The following ANKRD44 variants were observed in gnomAD, a reference collection of about 807,000 sequenced individuals.
The protein encoded by ANKRD44 is ankyrin repeat domain 44.
A neutral mutation model predicts 116.0 loss-of-function variants in ANKRD44; 35 were observed. The observed-to-expected ratio is 0.30, with a 90% confidence interval of 0.23 to 0.40. The LOEUF (loss-of-function observed/expected upper bound fraction) is 0.40, where lower values mean the gene tolerates loss of function less well. Ranked by LOEUF, ANKRD44 falls within the 10% of genes least tolerant of loss-of-function variation. The pLI, the probability that ANKRD44 is intolerant of heterozygous loss-of-function variation, is 1.00. For synonymous variants in ANKRD44, 435 were observed against 461.8 expected (o/e 0.94, Z 0.74); for missense variants, 1,014 against 1,242.6 (o/e 0.82, Z 2.77).
chr2:196,967,428 A>G (rs761888037), exon 22 of ANKRD44: 16 of 469,856 alleles, frequency 3.4e-5, no homozygotes, highest in South Asian at 2.5e-4. Context: ...ATGTTCTTGG[A>G]TCTTGAATGG....
chr2:197,203,332 A>G lies in ANKRD44; in HGVS notation c.28-16226T>C, dbSNP rs2081134787. On this transcript the variant is annotated intron_variant, in intron 1 of 27. Coordinates refer to ENST00000282272, the MANE Select transcript of ANKRD44 (RefSeq NM_001195144.2). The surrounding 1 kb of genome is among the most constrained non-coding windows in gnomAD (Gnocchi z 4.1). ...AAAAGCACATGAAAAGATGCTTAAC[A>G]TCAGTCTTTAGAGAATATAAATCTC... is the stretch of plus-strand genomic sequence containing the variant. Among the ~76,000 whole-genome samples the G allele has an allele frequency of 6.6e-6, 1 of 152,236 alleles. No individual in the cohort carries two copies.
chr2:197,226,578 C>G (rs1226499054), intron 1 of ANKRD44, among the ~76,000 whole-genome samples: 2 of 152,084 alleles, frequency 1.3e-5, no homozygotes, highest in African/African-American at 4.8e-5. Context: ...GCAGATGAAT[C>G]ACTTGAACCA....
intron 16 of ANKRD44, among the ~76,000 whole-genome samples, chr2:197,070,082 C>A (rs184059308): frequency 2.0e-5 from 3 of 152,058 alleles, no homozygotes; most frequent in Non-Finnish European, 2.9e-5. Context: ...GATTTTTATA[C>A]GTTTATCTCA....
At chr2:197,088,948 T>G in intron 11 of ANKRD44, 174 bp from the exon 12 acceptor site, 1 of 526,652 alleles carries the variant, frequency 1.9e-6, no homozygotes, top group Non-Finnish European at 3.1e-6. Context: ...TGCTCAAGCT[T>G]GGCAATTTTA....
intron 16 of ANKRD44, among the ~76,000 whole-genome samples, chr2:197,055,584 T>C (rs751476014): frequency 6.1e-4 from 93 of 152,242 alleles, no homozygotes; most frequent in Non-Finnish European, 6.3e-4. Flanking sequence ...CTTTCACGTA[T>C]AGATCTGCAA....
intron 10 of ANKRD44, among the ~76,000 whole-genome samples, chr2:197,096,000 A>G: frequency 6.6e-6 from 1 of 152,194 alleles, no homozygotes; most frequent in Non-Finnish European, 1.5e-5. Context: ...AAAAATAAGT[A>G]TATACTGAGG....
chr2:197,206,891 C>T (rs944356415), intron 1 of ANKRD44, among the ~76,000 whole-genome samples: 1 of 152,266 alleles, frequency 6.6e-6, no homozygotes. Flanking sequence ...TTTAGAATTA[C>T]GTCCCTCATG....
intron 16 of ANKRD44, among the ~76,000 whole-genome samples, chr2:197,039,683 G>A (rs1243137314): frequency 0.019 from 59 of 3,110 alleles, no homozygotes; most frequent in Admixed American, 0.045. Flanking sequence ...GTGTGTGCGT[G>A]TGTGTGTGTG....
In ANKRD44 at chr2:197,187,008, C is replaced by T; in HGVS notation, c.111+15G>A. On this transcript the variant is annotated intron_variant, in intron 2 of 27. Transcript: ENST00000282272. ...GCTAACAGGGCCTGAGTAGCAAAAC[C>T]ACAGTATCTCTTACCAGAGTATTCA... The T allele has an allele frequency of 6.2e-7, 1 of 1,613,026 alleles. No homozygotes were observed. Among genetic ancestry groups the T allele is most frequent in the Non-Finnish European group, 8.5e-7 (1 of 1,179,278 alleles).
intron 1 of ANKRD44, among the ~76,000 whole-genome samples, chr2:197,306,533 T>C (rs1051192680): frequency 3.3e-5 from 5 of 152,216 alleles, no homozygotes; most frequent in Non-Finnish European, 5.9e-5. Context: ...AACCATGTGA[T>C]TGGGTCCTGA....
chr2:197,192,853 G>A (rs2080856989), intron 1 of ANKRD44, among the ~76,000 whole-genome samples: 1 of 151,964 alleles, frequency 6.6e-6, no homozygotes, highest in Non-Finnish European at 1.5e-5. Context: ...AGTACCATAA[G>A]GACAATACAA....
intron 2 of ANKRD44, among the ~76,000 whole-genome samples, chr2:197,164,649 G>C (rs2080061517): frequency 6.6e-6 from 1 of 152,054 alleles, no homozygotes. Context: ...ACCTCAGGTC[G>C]CTGGCCCCTC....
At chr2:197,230,003 A>C (rs2081819434) in intron 1 of ANKRD44, among the ~76,000 whole-genome samples, 1 of 152,142 alleles carries the variant, frequency 6.6e-6, no homozygotes, top group Non-Finnish European at 1.5e-5. Context: ...CTAGGAAATA[A>C]ATACTGATTA....
At position 197,203,450 on chromosome 2, in the gene ANKRD44, C is replaced by T. The variant is rs542480453; in HGVS notation, c.28-16344G>A. On this transcript the variant is annotated intron_variant, in intron 1 of 27. Coordinates refer to ENST00000282272, the MANE Select transcript of ANKRD44 (RefSeq NM_001195144.2). The surrounding 1 kb of genome is among the most constrained non-coding windows in gnomAD (Gnocchi z 4.1). Reference sequence around the variant, plus strand: ...AAACAAACAAACGAAACCCAGAAAACAGTGTTGGGAAGAATGTGAAGAAAT... The same window carrying T: ...AAACAAACAAACGAAACCCAGAAAATAGTGTTGGGAAGAATGTGAAGAAAT... Among the ~76,000 whole-genome samples the T allele has an allele frequency of 1.1e-3, 172 of 152,188 alleles. No homozygotes were observed. The highest frequency in any genetic ancestry group is 4.0e-3 in the African/African-American group (165 of 41,510).
chr2:197,259,639 C>T (rs1236782928), intron 1 of ANKRD44, among the ~76,000 whole-genome samples: 1 of 152,174 alleles, frequency 6.6e-6, no homozygotes, highest in Non-Finnish European at 1.5e-5. Flanking sequence ...ATTAATTCAA[C>T]AGCCAACAAG....
chr2:197,002,827 T>A (rs1477085274), intron 21 of ANKRD44, among the ~76,000 whole-genome samples: 1 of 152,200 alleles, frequency 6.6e-6, no homozygotes, highest in African/African-American at 2.4e-5. Context: ...CAGATTGTCC[T>A]GAAACCTCTT....
intron 1 of ANKRD44, among the ~76,000 whole-genome samples, chr2:197,193,550 T>C (rs928666374): frequency 6.6e-6 from 1 of 152,206 alleles, no homozygotes; most frequent in African/African-American, 2.4e-5. Context: ...ATCTCTAAGA[T>C]GGGGTTACAA....
At chr2:197,070,711 T>C (rs1423296923) in intron 16 of ANKRD44, among the ~76,000 whole-genome samples, 1 of 152,116 alleles carries the variant, frequency 6.6e-6, no homozygotes, top group Admixed American at 6.6e-5. Flanking sequence ...TCTCTGTGTG[T>C]GTGTGTGTGT....
chr2:197,239,239 T>C (rs1395218117), intron 1 of ANKRD44, among the ~76,000 whole-genome samples: 2 of 152,172 alleles, frequency 1.3e-5, no homozygotes, highest in East Asian at 1.9e-4. Context: ...AAAGGTAAGC[T>C]AGAAAAAATT....
Sources: gnomAD v4.1 joint callset for allele counts (sites outside exome capture counted in the v4.1 genomes callset) on GRCh38, gnomAD v4.1.1 for gene constraint, Gnocchi (gnomAD v3.1) non-coding constraint, MANE v1.5 for transcripts, NCBI Gene and HGNC (gene_info 2026-07-23, HGNC 2026-07-21) for gene names.